The following ZRANB3 variants were observed in gnomAD, a reference collection of about 807,000 sequenced individuals.
The protein encoded by ZRANB3 is DNA annealing helicase and endonuclease ZRANB3.
ZRANB3 carries 125 observed loss-of-function variants against 133.8 expected under a neutral mutation model. That is an observed-to-expected ratio of 0.93 (90% CI 0.81 to 1.08). The LOEUF (loss-of-function observed/expected upper bound fraction) is 1.08, where lower values mean the gene tolerates loss of function less well. Ranked by LOEUF, ZRANB3 falls within the 50% of genes least tolerant of loss-of-function variation. ZRANB3 has a pLI of 0.00. For synonymous variants in ZRANB3, 387 were observed against 432.7 expected, an observed-to-expected ratio of 0.89 and a Z score of 1.31; for missense variants, 1,229 against 1,275.5, an observed-to-expected ratio of 0.96 and a Z score of 0.56.
At chr2:135,294,537 A>G (rs1025409742) in intron 8 of ZRANB3, among the ~76,000 whole-genome samples, 4 of 152,020 alleles carry the variant, frequency 2.6e-5, no homozygotes, top group African/African-American at 9.7e-5. Flanking sequence ...TGATATTTTC[A>G]AAAAACCAGC....
At chr2:135,411,851 C>T (rs1688316105) in intron 2 of ZRANB3, among the ~76,000 whole-genome samples, 1 of 152,180 alleles carries the variant, frequency 6.6e-6, no homozygotes, top group South Asian at 2.1e-4. Flanking sequence ...GAAGCCCAAA[C>T]CCTCCCATTA....
intron 1 of ZRANB3, among the ~76,000 whole-genome samples, chr2:135,530,907 G>GAATCGTA (rs1694553113): frequency 6.6e-6 from 1 of 152,142 alleles, no homozygotes; most frequent in South Asian, 2.1e-4. Flanking sequence ...AGCATGTTGG[G>GAATCGTA]AATCGTAGTC....
intron 3 of ZRANB3, among the ~76,000 whole-genome samples, chr2:135,364,488 C>T (rs949122599): frequency 1.3e-5 from 2 of 152,162 alleles, no homozygotes; most frequent in African/African-American, 4.8e-5. Flanking sequence ...TGGCTCACAC[C>T]TGTAATCCTA....
chr2:135,219,191 T>C lies in ZRANB3; in HGVS notation c.2251-13A>G. 6.8e-7 allele frequency: 1 copy of C among 1,468,288 alleles called. No individual in the cohort carries two copies. The highest frequency in any genetic ancestry group is 9.1e-7 in the Non-Finnish European group (1 of 1,099,900). The allele number at this position is 1,468,288 out of a possible 1,614,324, so 91.0% of individuals were successfully genotyped here. A position where few individuals can be genotyped will look rare whatever the true frequency, so the allele number is the denominator to read the frequency against. On this transcript the variant is annotated splice_polypyrimidine_tract_variant and intron_variant, in intron 15 of 20. Transcript: ENST00000264159. ...TCTGTTTTCCATCCTGATGATAGAT[T>C]AGGAAGACACTAATAATCCATTTTT...
chr2:135,216,607 T>A (rs1694323630), intron 17 of ZRANB3, among the ~76,000 whole-genome samples: 1 of 151,894 alleles, frequency 6.6e-6, no homozygotes, highest in African/African-American at 2.4e-5. Flanking sequence ...GCTAATTTTT[T>A]TTTTTTTTTT....
At chr2:135,298,757 T>G (rs1276312152) in intron 8 of ZRANB3, among the ~76,000 whole-genome samples, 1 of 152,162 alleles carries the variant, frequency 6.6e-6, no homozygotes, top group Non-Finnish European at 1.5e-5. Flanking sequence ...TGAGGGTCCT[T>G]GGTTGTAGTT....
intron 3 of ZRANB3, among the ~76,000 whole-genome samples, chr2:135,369,263 A>C (rs2104896954): frequency 6.6e-6 from 1 of 152,024 alleles, no homozygotes; most frequent in East Asian, 1.9e-4. Flanking sequence ...TATCCTAAAA[A>C]CTCTGACTCT....
In ZRANB3 at chr2:135,447,740, A is replaced by G. The variant is rs189614114; in HGVS notation, c.161+56589T>C. On this transcript the variant is annotated intron_variant, in intron 2 of 20. Coordinates refer to ENST00000264159, the MANE Select transcript of ZRANB3 (RefSeq NM_032143.4). Reference sequence around the variant, plus strand: ...CTGGAACTACCTCTTTTTCTATTTCAGCTGTCAGCAATCTTCAGTAAATTT... The same window carrying G: ...CTGGAACTACCTCTTTTTCTATTTCGGCTGTCAGCAATCTTCAGTAAATTT... 1.1e-4 allele frequency among the ~76,000 whole-genome samples: 16 copies of G among 152,298 alleles called. No individual in the cohort carries two copies. In the East Asian group the frequency reaches 3.1e-3, roughly 29 times the overall value.
intron 8 of ZRANB3, among the ~76,000 whole-genome samples, chr2:135,281,194 T>A (rs1352125091): frequency 6.6e-6 from 1 of 152,352 alleles, no homozygotes; most frequent in Admixed American, 6.5e-5. Flanking sequence ...TAGTCTTCCC[T>A]ACTGTTTTAA....
At chr2:135,365,679 A>T (rs1283699773) in intron 3 of ZRANB3, among the ~76,000 whole-genome samples, 1 of 152,258 alleles carries the variant, frequency 6.6e-6, no homozygotes, top group Non-Finnish European at 1.5e-5. Context: ...GCAGATAAGA[A>T]GCATTTGCAC....
At chr2:135,363,514 C>T (rs1304732220) in intron 3 of ZRANB3, among the ~76,000 whole-genome samples, 3 of 152,174 alleles carry the variant, frequency 2.0e-5, no homozygotes, top group South Asian at 2.1e-4. Context: ...AAATTAAAAC[C>T]AAGTTAACAA....
Position 135,345,530 on chromosome 2 carries a change from C to T in ZRANB3, c.677+20G>A, listed in dbSNP as rs773639920. On this transcript the variant is annotated intron_variant, in intron 6 of 20. Coordinates refer to ENST00000264159, the MANE Select transcript of ZRANB3 (RefSeq NM_032143.4). Reference sequence around the variant, plus strand: ...AGTAAACATGTGAGGAAAAAATTTACGGAAAATAGTTTAACTTACCTGATG... The same window carrying T: ...AGTAAACATGTGAGGAAAAAATTTATGGAAAATAGTTTAACTTACCTGATG... The T allele has an allele frequency of 3.8e-5, 59 of 1,561,970 alleles. No homozygotes were observed. The Admixed American group carries it at 8.5e-4, about 22-fold the overall frequency.
At chr2:135,431,860 A>T (rs557088522) in intron 2 of ZRANB3, among the ~76,000 whole-genome samples, 4 of 152,324 alleles carry the variant, frequency 2.6e-5, no homozygotes, top group Admixed American at 6.5e-5. Context: ...GCTGGTGGAA[A>T]TGAAAAATAT....
intron 2 of ZRANB3, among the ~76,000 whole-genome samples, chr2:135,446,775 A>G (rs1690041286): frequency 6.6e-6 from 1 of 152,222 alleles, no homozygotes; most frequent in Non-Finnish European, 1.5e-5. Context: ...AGCGTTTGGA[A>G]GGATCAATAG....
At chr2:135,283,061 G>C (rs1440459716) in intron 8 of ZRANB3, among the ~76,000 whole-genome samples, 2 of 152,062 alleles carry the variant, frequency 1.3e-5, no homozygotes, top group Admixed American at 6.5e-5. Flanking sequence ...GGGGCAGGAG[G>C]ACTGCTCAAG....
intron 3 of ZRANB3, among the ~76,000 whole-genome samples, chr2:135,365,285 G>A (rs1025400841): frequency 3.3e-5 from 5 of 151,830 alleles, no homozygotes; most frequent in African/African-American, 9.7e-5. Context: ...AAACAAAAAC[G>A]AAATTTGGCT....
chr2:135,450,515 G>A (rs192103829), intron 2 of ZRANB3, among the ~76,000 whole-genome samples: 95 of 152,154 alleles, frequency 6.2e-4, no homozygotes, highest in African/African-American at 2.3e-3. Context: ...TTAAACTGAA[G>A]CAATTGAGCT....
At chr2:135,389,128 A>G (rs1354525486) in intron 3 of ZRANB3, among the ~76,000 whole-genome samples, 1 of 152,158 alleles carries the variant, frequency 6.6e-6, no homozygotes, top group African/African-American at 2.4e-5. Flanking sequence ...AAACAACAAA[A>G]GAACTCATCT....
chr2:135,382,595 G>A (rs1011973929), intron 3 of ZRANB3, among the ~76,000 whole-genome samples: 1 of 152,200 alleles, frequency 6.6e-6, no homozygotes, highest in African/African-American at 2.4e-5. Flanking sequence ...AGAGAGAAAG[G>A]TGGGGTTACC....
Sources: allele counts gnomAD v4.1 joint callset (sites outside exome capture counted in the v4.1 genomes callset), GRCh38; gene constraint gnomAD v4.1.1; transcripts MANE v1.5; gene names NCBI Gene and HGNC (gene_info 2026-07-23, HGNC 2026-07-21).